FBXO24: variants seen among roughly 807,000 people sequenced by gnomAD.
FBXO24 encodes the protein F-box only protein 24.
FBXO24 carries 30 observed loss-of-function variants against 63.5 expected under a neutral mutation model. The ratio of observed to expected loss-of-function variants is 0.47; its 90% CI spans 0.35 to 0.64. The LOEUF is 0.64. Among genes scored for constraint, FBXO24 ranks in the 30% least tolerant of loss-of-function variants. FBXO24 has a pLI of 0.00. For synonymous variants in FBXO24, 300 were observed against 305.0 expected, an observed-to-expected ratio of 0.98 and a Z score of 0.17; for missense variants, 624 against 763.4, an observed-to-expected ratio of 0.82 and a Z score of 2.15.
intron 1 of FBXO24, 168 bp from the exon 2 acceptor site, chr7:100,589,809 C>T (rs754531838): frequency 4.4e-5 from 66 of 1,512,560 alleles, no homozygotes; most frequent in East Asian, 9.8e-5. Flanking sequence ...GGGGATTGGC[C>T]GCAGGAGATC....
At chr7:100,587,802 T>C (rs1801827165) in intron 1 of FBXO24, among the ~76,000 whole-genome samples, 1 of 151,788 alleles carries the variant, frequency 6.6e-6, no homozygotes, top group South Asian at 2.1e-4. Flanking sequence ...GGTTTTGCTA[T>C]GTTGCCCAGG....
Position 100,594,246 on chromosome 7 carries a change from C to A in FBXO24, c.794-137C>A. On this transcript the variant is annotated intron_variant, in intron 5 of 9. Coordinates refer to ENST00000241071, the MANE Select transcript of FBXO24 (RefSeq NM_033506.3). This position sits in a 1 kb window ranked among gnomAD's most constrained non-coding sequence, Gnocchi z 4.2. ...AACTGGAGTCTGGGGGACTTGGGGT[C>A]ACTCTTCCCTTATTTCTTTCTCAGC... 1.1e-6 allele frequency: 1 copy of A among 908,070 alleles called. No homozygotes were observed. The highest frequency in any genetic ancestry group is 1.6e-6 in the Non-Finnish European group (1 of 618,590). 56.3% of individuals were successfully genotyped at this position (908,070 alleles called of 1,614,324 possible).
intron 1 of FBXO24, chr7:100,586,866 T>C: frequency 6.6e-5 from 25 of 376,670 alleles, no homozygotes; most frequent in Non-Finnish European, 8.1e-5. Flanking sequence ...CGGGGGGACC[T>C]CCGACTGTGA....
chr7:100,594,393 G>T lies in FBXO24; in HGVS notation c.804G>T (p.Lys268Asn). ...RALLLLTEEG[K>N]IYSLVVNETQ... ...TTCCCCTACCCCCAGAGGAAGGAAA[G>T]ATCTACTCTTTGGTAGTGAATGAGA... Residue 268 changes from lysine to asparagine, a missense_variant, in exon 6 of 10, where the codon AAG becomes AAT. Physicochemically the swap from Lys to Asn is moderately conservative, Grantham distance 94. Coordinates refer to ENST00000241071, the MANE Select transcript of FBXO24 (RefSeq NM_033506.3). The surrounding 1 kb of genome is among the most constrained non-coding windows in gnomAD (Gnocchi z 4.2). 6.2e-7 allele frequency: 1 copy of T among 1,612,232 alleles called. No homozygotes were observed. Among genetic ancestry groups the T allele is most frequent in the Non-Finnish European group, 8.5e-7 (1 of 1,179,292 alleles).
At chr7:100,598,312 A>AT (rs2131277809) in intron 8 of FBXO24, among the ~76,000 whole-genome samples, 1 of 152,304 alleles carries the variant, frequency 6.6e-6, no homozygotes, top group Admixed American at 6.5e-5. Context: ...TTTAAAATTA[A>AT]TTTTTTGCTT....
chr7:100,600,195 A>G lies in FBXO24; in HGVS notation c.1371A>G (p.Gln457=), dbSNP rs934284110. ...PKGSASFVKL[Q]VKVPLCACAL... The stretch of plus-strand genomic sequence containing the variant: ...GGAGTGCCTCCTTCGTCAAGCTCCA[A>G]GTCAAGGTCAGAGCGGGGTCAGGAG... Residue 457 remains glutamine (Q), a synonymous_variant, in exon 9 of 10, where the codon CAA becomes CAG. Transcript: ENST00000241071. This position sits in a 1 kb window ranked among gnomAD's most constrained non-coding sequence, Gnocchi z 6.3. The G allele has an allele frequency of 3.2e-6, 5 of 1,558,756 alleles. No individual in the cohort carries two copies. In the South Asian group the frequency reaches 3.5e-5, roughly 11 times the overall value.
chr7:100,595,806 T>G, intron 8 of FBXO24, 100 bp downstream of exon 8: 1 of 1,468,492 alleles, frequency 6.8e-7, no homozygotes, highest in Middle Eastern at 2.1e-4. Context: ...ATCCAATTTC[T>G]GTTCCTTTGG....
intron 3 of FBXO24, among the ~76,000 whole-genome samples, chr7:100,591,292 C>T (rs1010066409): frequency 2.0e-5 from 3 of 152,070 alleles, no homozygotes; most frequent in Admixed American, 6.6e-5. Flanking sequence ...GGATTACAGG[C>T]GTGCAAAAAT....
Position 100,600,499 on chromosome 7 carries a change from C to T in FBXO24, c.1378-35C>T. ...CTGGGAAACCCTGCAAGGAAAGCAC[C>T]ACTCAGCCATGCCCCCTTTCTCTCC... On this transcript the variant is annotated intron_variant, in intron 9 of 9. Coordinates refer to ENST00000241071, the MANE Select transcript of FBXO24 (RefSeq NM_033506.3). The surrounding 1 kb of genome is among the most constrained non-coding windows in gnomAD (Gnocchi z 6.3). 1 of 1,524,744 alleles carries T rather than the reference C, an allele frequency of 6.6e-7. No individual in the cohort carries two copies. Among genetic ancestry groups the T allele is most frequent in the Non-Finnish European group, 8.8e-7 (1 of 1,137,652 alleles). The allele number at this position is 1,524,744 out of a possible 1,614,324, so 94.5% of individuals were successfully genotyped here. A position where few individuals can be genotyped will look rare whatever the true frequency, so the allele number is the denominator to read the frequency against.
At chr7:100,596,043 C>CACTT (rs1802290585) in intron 8 of FBXO24, among the ~76,000 whole-genome samples, 1 of 151,836 alleles carries the variant, frequency 6.6e-6, no homozygotes, top group East Asian at 1.9e-4. Context: ...TTTGGGAGGC[C>CACTT]GAGGTGGACA....
In FBXO24 at chr7:100,590,266, C is replaced by G. The variant is rs767064206; in HGVS notation, c.231C>G (p.Gly77=). Residue 77 remains glycine (G), a synonymous_variant, in exon 3 of 10, where the codon GGC becomes GGG. Transcript: ENST00000241071. ...RYFHEVCDGE[G]VWRRICRRLS... ...TCCACGAAGTGTGCGATGGGGAAGGCGTGTGGAGACGCATCTGTCGCAGAC... is the reference window on the plus strand; with the variant it reads ...TCCACGAAGTGTGCGATGGGGAAGGGGTGTGGAGACGCATCTGTCGCAGAC... The G allele has an allele frequency of 9.3e-6, 15 of 1,614,140 alleles. No homozygotes were observed. In the South Asian group the frequency reaches 1.5e-4, roughly 17 times the overall value.
Position 100,599,898 on chromosome 7 carries a change from G to GT in FBXO24, c.1207-132dup, listed in dbSNP as rs1237599986. 2.9e-5 allele frequency: 29 copies of GT among 999,216 alleles called. 1 individual carries two copies. The highest frequency in any genetic ancestry group is 1.4e-4 in the South Asian group (9 of 63,866). The allele number at this position is 999,216 out of a possible 1,614,324, so 61.9% of individuals were successfully genotyped here. A position where few individuals can be genotyped will look rare whatever the true frequency, so the allele number is the denominator to read the frequency against. On this transcript the variant is annotated intron_variant, in intron 8 of 9. Coordinates refer to ENST00000241071, the MANE Select transcript of FBXO24 (RefSeq NM_033506.3). Reference sequence around the variant, plus strand: ...GGGGTCAGCAGGGCAGACCTGGGGCGTGGGACAGTGCTGGCTCCCATTTCC... The same window carrying GT: ...GGGGTCAGCAGGGCAGACCTGGGGCGTTGGGACAGTGCTGGCTCCCATTTCC...
intron 4 of FBXO24, 102 bp from the exon 5 acceptor site, chr7:100,592,681 C>T (rs1321369577): frequency 4.5e-6 from 4 of 897,664 alleles, no homozygotes; most frequent in Admixed American, 2.1e-5. Context: ...CATTTCCCAA[C>T]TCTGGACCCA....
rs1218560321 is a variant in FBXO24 at position 100,594,734 on chromosome 7, T to C, written c.952+193T>C. On this transcript the variant is annotated intron_variant, in intron 6 of 9. Coordinates refer to ENST00000241071, the MANE Select transcript of FBXO24 (RefSeq NM_033506.3). This position sits in a 1 kb window ranked among gnomAD's most constrained non-coding sequence, Gnocchi z 4.2. ...GGGAAACCGAGGCAGGTGAATCACC[T>C]GAGGTCAGGAGTTCAAGACCAGCCT... Among the ~76,000 whole-genome samples the C allele has an allele frequency of 3.3e-5, 5 of 152,176 alleles. No individual in the cohort carries two copies. The South Asian group carries it at 8.3e-4, about 25-fold the overall frequency.
chr7:100,588,376 C>T (rs1157674132), intron 1 of FBXO24, among the ~76,000 whole-genome samples: 1 of 152,206 alleles, frequency 6.6e-6, no homozygotes, highest in Non-Finnish European at 1.5e-5. Context: ...ACTGAAGTTG[C>T]TTTCTCCTTA....
In FBXO24 at chr7:100,601,059, C is replaced by T; in HGVS notation, c.*160C>T. On this transcript the variant is annotated 3_prime_UTR_variant, in exon 10 of 10. Transcript: ENST00000241071. ...GTTCAGGGGGCTGCCCAGGAGGGGC[C>T]CCCAACCTGACTATCATGGACAAGA... The T allele has an allele frequency of 1.0e-6, 1 of 982,274 alleles. No individual in the cohort carries two copies. Among genetic ancestry groups the T allele is most frequent in the East Asian group, 2.6e-5 (1 of 37,886 alleles). The allele number at this position is 982,274 out of a possible 1,614,324, so 60.8% of individuals were successfully genotyped here.
intron 1 of FBXO24, among the ~76,000 whole-genome samples, chr7:100,587,927 A>G (rs902255532): frequency 6.8e-6 from 1 of 146,736 alleles, no homozygotes; most frequent in Admixed American, 6.7e-5. Flanking sequence ...CTTTTGAGAC[A>G]GAGTCGCTCT....
Position 100,586,659 on chromosome 7 carries a change from A to C in FBXO24, c.34A>C (p.Arg12=). Residue 12 remains arginine (R), a synonymous_variant, in exon 1 of 10, where the codon AGG becomes CGG. Transcript: ENST00000241071. ...GEKAVPLLRR[R]RVKRSCPSCG... is the part of the protein sequence containing the mutation. ...GAAGGCGGTCCCTTTGCTAAGGAGGAGGCGGGTGAGCTAGAACTTTAAGAC... is the reference window on the plus strand; with the variant it reads ...GAAGGCGGTCCCTTTGCTAAGGAGGCGGCGGGTGAGCTAGAACTTTAAGAC... 5.0e-6 allele frequency: 8 copies of C among 1,614,142 alleles called. No individual in the cohort carries two copies. Among genetic ancestry groups the C allele is most frequent in the Non-Finnish European group, 6.8e-6 (8 of 1,179,992 alleles).
At chr7:100,597,877 T>G (rs904597974) in intron 8 of FBXO24, among the ~76,000 whole-genome samples, 2 of 141,586 alleles carry the variant, frequency 1.4e-5, no homozygotes, top group African/African-American at 5.1e-5. Context: ...AAGTTTTTGT[T>G]TTTTTTGTTT....
Sources: allele counts gnomAD v4.1 joint callset (sites outside exome capture counted in the v4.1 genomes callset), GRCh38; gene constraint gnomAD v4.1.1; non-coding constraint Gnocchi (gnomAD v3.1); transcripts MANE v1.5; gene names NCBI Gene and HGNC (gene_info 2026-07-23, HGNC 2026-07-21).